ABHD17B: variants seen among roughly 807,000 people sequenced by gnomAD.
The protein encoded by ABHD17B is abhydrolase domain containing 17B, depalmitoylase.
In ABHD17B, 9 loss-of-function variants were observed where a neutral mutation model predicts 26.2. The ratio of observed to expected loss-of-function variants is 0.34; its 90% CI spans 0.21 to 0.60. ABHD17B has a LOEUF of 0.60. Among genes scored for constraint, ABHD17B ranks in the 20% least tolerant of loss-of-function variants. The pLI, the probability that ABHD17B is intolerant of heterozygous loss-of-function variation, is 0.80. For synonymous variants in ABHD17B, 127 were observed against 122.3 expected, an observed-to-expected ratio of 1.04 and a Z score of -0.25; for missense variants, 224 against 352.1, an observed-to-expected ratio of 0.64 and a Z score of 2.91.
At chr9:71,906,800 TA>T (rs1237182327) in intron 1 of ABHD17B, among the ~76,000 whole-genome samples, 1 of 87,174 alleles carries the variant, frequency 1.1e-5, no homozygotes, top group African/African-American at 4.7e-5. Context: ...TTTACATTAT[TA>T]AAAAACAAAC....
intron 1 of ABHD17B, among the ~76,000 whole-genome samples, chr9:71,904,809 A>T (rs930509220): frequency 6.6e-5 from 10 of 152,226 alleles, no homozygotes; most frequent in African/African-American, 2.4e-4. Flanking sequence ...GATATTAAGA[A>T]CTAAAAACAA....
chr9:71,866,182 A>G lies in ABHD17B; in HGVS notation c.*605T>C, dbSNP rs775285888. On this transcript the variant is annotated 3_prime_UTR_variant, in exon 4 of 4. Transcript: ENST00000333421. ...TCATTGGTAAATTAATAGATGGCAT[A>G]AAAATTAAGATTTACATCTTTTTTA... The G allele has an allele frequency of 1.0e-5, 10 of 982,918 alleles. No individual in the cohort carries two copies. Among genetic ancestry groups the G allele is most frequent in the Non-Finnish European group, 1.2e-5 (10 of 827,234 alleles). 60.9% of individuals were successfully genotyped at this position (982,918 alleles called of 1,614,324 possible). A position where few individuals can be genotyped will look rare whatever the true frequency, so the allele number is the denominator to read the frequency against.
chr9:71,894,501 C>T (rs2132187311), intron 1 of ABHD17B, among the ~76,000 whole-genome samples: 1 of 152,258 alleles, frequency 6.6e-6, no homozygotes, highest in South Asian at 2.1e-4. Context: ...CCCGCCACGA[C>T]ACCCAGCTGC....
downstream of ABHD17B, among the ~76,000 whole-genome samples, chr9:71,864,874 C>T (rs370827618): frequency 2.6e-5 from 4 of 152,118 alleles, no homozygotes; most frequent in African/African-American, 9.7e-5. Context: ...CATTCAGTAA[C>T]TGTCTGTTGA....
chr9:71,890,156 G>A (rs1003376936), intron 1 of ABHD17B, among the ~76,000 whole-genome samples: 1 of 151,848 alleles, frequency 6.6e-6, no homozygotes, highest in Non-Finnish European at 1.5e-5. Context: ...TGGGAGTGAC[G>A]GTGCATGTCT....
downstream of ABHD17B, among the ~76,000 whole-genome samples, chr9:71,863,160 G>C (rs190066111): frequency 1.3e-5 from 2 of 152,112 alleles, no homozygotes; most frequent in Non-Finnish European, 2.9e-5. Flanking sequence ...ACAAGACCAA[G>C]GATTTGTGTT....
At chr9:71,885,852 G>T (rs188906911) in intron 1 of ABHD17B, among the ~76,000 whole-genome samples, 2 of 152,078 alleles carry the variant, frequency 1.3e-5, no homozygotes, top group Non-Finnish European at 2.9e-5. Context: ...TAGTTTCTTG[G>T]TAATGCAGAC....
Position 71,910,223 on chromosome 9 carries a change from T to C in ABHD17B, c.-4+411A>G, listed in dbSNP as rs150057743. On this transcript the variant is annotated intron_variant, in intron 1 of 3. Transcript: ENST00000333421. ...ACCCGCGAATCTCTCAGTGCGCCAG[T>C]GAGGGGAATGGGAACCTGACCCCAT... 3.6e-3 allele frequency among the ~76,000 whole-genome samples: 547 copies of C among 152,190 alleles called. 5 individuals carry two copies. Among genetic ancestry groups the C allele is most frequent in the African/African-American group, 0.013 (522 of 41,524 alleles).
At chr9:71,903,121 T>C (rs1441049999) in intron 1 of ABHD17B, among the ~76,000 whole-genome samples, 3 of 152,182 alleles carry the variant, frequency 2.0e-5, no homozygotes, top group African/African-American at 7.2e-5. Context: ...TGATAAGCCA[T>C]AATTTTAAAA....
intron 2 of ABHD17B, among the ~76,000 whole-genome samples, chr9:71,872,396 A>T (rs935535782): frequency 2.0e-5 from 3 of 152,202 alleles, no homozygotes; most frequent in Non-Finnish European, 4.4e-5. Context: ...TTTTCTTCAA[A>T]TTGGTAAATG....
At chr9:71,864,213 C>CTTTTTTTTTTTTT (rs762446648), downstream of ABHD17B, among the ~76,000 whole-genome samples, 1 of 80,398 alleles carries the variant, frequency 1.2e-5, no homozygotes, top group Non-Finnish European at 2.1e-5. Flanking sequence ...GCCAAACTTT[C>CTTTTTTTTTTTTT]TTTTTTTTTT....
intron 1 of ABHD17B, among the ~76,000 whole-genome samples, chr9:71,876,642 G>GA (rs1826284946): frequency 6.6e-6 from 1 of 151,612 alleles, no homozygotes; most frequent in African/African-American, 2.4e-5. Context: ...AGAATAGGGG[G>GA]AAAAAAGTAC....
intron 1 of ABHD17B, among the ~76,000 whole-genome samples, chr9:71,881,837 G>C (rs990288260): frequency 6.7e-6 from 1 of 149,602 alleles, no homozygotes; most frequent in African/African-American, 2.5e-5. Flanking sequence ...AGTGAGCTGA[G>C]ATCACGCCAC....
chr9:71,871,526 G>A (rs1484975110), intron 2 of ABHD17B, among the ~76,000 whole-genome samples: 1 of 152,216 alleles, frequency 6.6e-6, no homozygotes, highest in Non-Finnish European at 1.5e-5. Flanking sequence ...CACAGTTCTT[G>A]AGGCTGCATT....
Position 71,866,651 on chromosome 9 carries a change from G to T in ABHD17B, c.*136C>A. 6.9e-7 allele frequency: 1 copy of T among 1,455,200 alleles called. No homozygotes were observed. The highest frequency in any genetic ancestry group is 9.0e-7 in the Non-Finnish European group (1 of 1,108,212). The allele number at this position is 1,455,200 out of a possible 1,614,324, so 90.1% of individuals were successfully genotyped here. A position where few individuals can be genotyped will look rare whatever the true frequency, so the allele number is the denominator to read the frequency against. ...GGTAATTAAAACCTTCATTAAGTCT[G>T]TTAACAAATCATTACCTGTACATTT... On this transcript the variant is annotated 3_prime_UTR_variant, in exon 4 of 4. Coordinates refer to ENST00000333421, the MANE Select transcript of ABHD17B (RefSeq NM_001025780.3).
chr9:71,881,203 T>C (rs530175177), intron 1 of ABHD17B, among the ~76,000 whole-genome samples: 1 of 152,320 alleles, frequency 6.6e-6, no homozygotes, highest in South Asian at 2.1e-4. Flanking sequence ...TTATGGTCAG[T>C]TGATTTTTGA....
chr9:71,905,602 T>C (rs991982878), intron 1 of ABHD17B, among the ~76,000 whole-genome samples: 4 of 152,224 alleles, frequency 2.6e-5, no homozygotes, highest in African/African-American at 4.8e-5. Context: ...TACGCTGTGA[T>C]CTAGCAACCT....
Position 71,865,226 on chromosome 9 carries a change from T to G in ABHD17B, c.*1561A>C. 2 of 985,640 alleles carry G rather than the reference T, an allele frequency of 2.0e-6. No homozygotes were observed. The highest frequency in any genetic ancestry group is 2.4e-6 in the Non-Finnish European group (2 of 829,896). The allele number at this position is 985,640 out of a possible 1,614,324, so 61.1% of individuals were successfully genotyped here. On this transcript the variant is annotated 3_prime_UTR_variant, in exon 4 of 4. Coordinates refer to ENST00000333421, the MANE Select transcript of ABHD17B (RefSeq NM_001025780.3). ...AGCATTCACAATACTTGATATACTT[T>G]GAAGAGAGTCATATACTATAGTCTT...
At chr9:71,902,951 C>G (rs1457002452) in intron 1 of ABHD17B, among the ~76,000 whole-genome samples, 1 of 152,100 alleles carries the variant, frequency 6.6e-6, no homozygotes, top group Non-Finnish European at 1.5e-5. Context: ...TGCTTTACTT[C>G]AAGTTTCTTG....
Sources: gnomAD v4.1 joint callset for allele counts (sites outside exome capture counted in the v4.1 genomes callset) on GRCh38, gnomAD v4.1.1 for gene constraint, MANE v1.5 for transcripts, NCBI Gene and HGNC (gene_info 2026-07-23, HGNC 2026-07-21) for gene names.